NEBL: variants seen among roughly 807,000 people sequenced by gnomAD.
The protein encoded by NEBL is nebulette, also known as LIM and SH3 protein 2.
In NEBL, 122 loss-of-function variants were observed where a neutral mutation model predicts 140.2. That is an observed-to-expected ratio of 0.87 (90% confidence interval 0.75 to 1.01). The LOEUF is 1.01. Among genes scored for constraint, NEBL ranks in the 50% least tolerant of loss-of-function variants. The pLI is 0.00. For synonymous variants in NEBL, 436 were observed against 398.9 expected (o/e 1.09, Z -1.11); for missense variants, 1,365 against 1,231.3 (o/e 1.11, Z -1.62).
At chr10:20,948,320 A>G (rs1276463219) in intron 4 of NEBL, among the ~76,000 whole-genome samples, 1 of 152,240 alleles carries the variant, frequency 6.6e-6, no homozygotes, top group East Asian at 1.9e-4. Flanking sequence ...TAGGATCAGA[A>G]TCCAATATGC....
intron 2 of NEBL, among the ~76,000 whole-genome samples, chr10:21,120,411 T>A (rs1288434008): frequency 1.6e-5 from 2 of 126,628 alleles, no homozygotes; most frequent in African/African-American, 6.7e-5. Context: ...TATATATATA[T>A]ATATATATAT....
chr10:21,167,441 A>G (rs1003641216), intron 2 of NEBL, among the ~76,000 whole-genome samples: 3 of 152,230 alleles, frequency 2.0e-5, no homozygotes, highest in Non-Finnish European at 4.4e-5. Context: ...AGCCGAAATA[A>G]TGTTCTGGGG....
At chr10:20,941,689 C>G (rs11012408) in intron 4 of NEBL, among the ~76,000 whole-genome samples, 1 of 151,308 alleles carries the variant, frequency 6.6e-6, no homozygotes, top group Non-Finnish European at 1.5e-5. Flanking sequence ...AAAACCCCAT[C>G]GTCTCAGCCC....
intron 20 of NEBL, 38 bp downstream of exon 20, chr10:20,819,386 T>C (rs1564352410): frequency 2.5e-6 from 4 of 1,613,614 alleles, no homozygotes; most frequent in African/African-American, 2.7e-5. Context: ...AAATATGTTA[T>C]GTTTGAGAAA....
chr10:21,107,346 A>G (rs1050270421), intron 2 of NEBL, among the ~76,000 whole-genome samples: 1 of 152,162 alleles, frequency 6.6e-6, no homozygotes, highest in African/African-American at 2.4e-5. Context: ...CGTTCCATCA[A>G]TACCTAGTTT....
At chr10:20,966,872 C>A (rs571593805) in intron 3 of NEBL, among the ~76,000 whole-genome samples, 1 of 151,956 alleles carries the variant, frequency 6.6e-6, no homozygotes, top group Non-Finnish European at 1.5e-5. Context: ...AAAGCCATCG[C>A]GGATGAAGGA....
At chr10:21,049,339 TG>T (rs1186569513) in intron 2 of NEBL, among the ~76,000 whole-genome samples, 1 of 152,202 alleles carries the variant, frequency 6.6e-6, no homozygotes, top group Non-Finnish European at 1.5e-5. Context: ...ACCCAGGGTC[TG>T]GGGCCCGCTG....
intron 3 of NEBL, among the ~76,000 whole-genome samples, chr10:21,179,959 A>C (rs1589317804): frequency 6.6e-6 from 1 of 152,142 alleles, no homozygotes; most frequent in Non-Finnish European, 1.5e-5. Context: ...CAACATGATG[A>C]AACCCCATCT....
chr10:20,978,188 A>G (rs538523869), intron 3 of NEBL, among the ~76,000 whole-genome samples: 1 of 152,306 alleles, frequency 6.6e-6, no homozygotes, highest in Non-Finnish European at 1.5e-5. Context: ...AAGTTTATCC[A>G]ACCATAAATA....
intron 1 of NEBL, among the ~76,000 whole-genome samples, chr10:21,262,882 T>C (rs1254723229): frequency 6.6e-6 from 1 of 152,146 alleles, no homozygotes; most frequent in East Asian, 1.9e-4. Flanking sequence ...AATAGCACGT[T>C]TGTAGACGAT....
At chr10:21,033,022 C>T (rs186707699) in intron 2 of NEBL, among the ~76,000 whole-genome samples, 2 of 152,310 alleles carry the variant, frequency 1.3e-5, no homozygotes, top group East Asian at 3.9e-4. Context: ...CACACACACA[C>T]ACACCTACAT....
intron 4 of NEBL, among the ~76,000 whole-genome samples, chr10:20,905,682 AATG>A (rs1325631132): frequency 3.9e-5 from 6 of 152,146 alleles, no homozygotes; most frequent in African/African-American, 1.4e-4. Flanking sequence ...AATTAGTCAA[AATG>A]ATGATAAGGC....
chr10:20,869,691 T>C (rs1257940770), intron 6 of NEBL, 49 bp downstream of exon 6: 1 of 1,352,030 alleles, frequency 7.4e-7, no homozygotes, highest in East Asian at 2.3e-5. Context: ...CTTTGCCTCC[T>C]ACAAAAGTAA....
chr10:21,011,664 GTGGCATCTGT>G (rs56080635), intron 3 of NEBL, among the ~76,000 whole-genome samples: 26,654 of 146,922 alleles, frequency 0.18, 3,738 homozygotes, highest in East Asian at 0.54. Context: ...GTTGGCATCT[GTGGCATCTGT>G]TGGCATCTGT....
chr10:20,825,441 G>A (rs560591709), intron 18 of NEBL, among the ~76,000 whole-genome samples: 1 of 152,224 alleles, frequency 6.6e-6, no homozygotes, highest in African/African-American at 2.4e-5. Flanking sequence ...AGGATCACTT[G>A]AGGTCAGGTG....
chr10:21,004,372 A>G (rs1217916334), intron 3 of NEBL, among the ~76,000 whole-genome samples: 3 of 152,228 alleles, frequency 2.0e-5, no homozygotes, highest in Non-Finnish European at 4.4e-5. Context: ...AGGAGTGTTC[A>G]TTATTTGGGA....
At chr10:21,104,228 A>T (rs944939527) in intron 2 of NEBL, among the ~76,000 whole-genome samples, 2 of 152,234 alleles carry the variant, frequency 1.3e-5, no homozygotes, top group African/African-American at 4.8e-5. Context: ...TTTTTCCAAA[A>T]TTGTGTTTTT....
chr10:20,958,636 T>C (rs1835915927), intron 4 of NEBL, among the ~76,000 whole-genome samples: 1 of 152,144 alleles, frequency 6.6e-6, no homozygotes, highest in Admixed American at 6.6e-5. Context: ...GGGAAAAAAA[T>C]AATTTTGCTT....
At chr10:20,815,924 A>G in intron 21 of NEBL, 1 of 545,600 alleles carries the variant, frequency 1.8e-6, no homozygotes, top group South Asian at 2.1e-5. Context: ...ACCTGCCACC[A>G]TGCCTGGCTA....
Sources: allele counts gnomAD v4.1 joint callset (sites outside exome capture counted in the v4.1 genomes callset), GRCh38; gene constraint gnomAD v4.1.1; transcripts MANE v1.5; gene names NCBI Gene and HGNC (gene_info 2026-07-23, HGNC 2026-07-21).